The following HSPA12A variants were observed in gnomAD, a reference collection of about 807,000 sequenced individuals.
The protein encoded by HSPA12A is heat shock 70 kDa protein 12A.
HSPA12A carries 28 observed loss-of-function variants against 69.2 expected under a neutral mutation model. That is an observed-to-expected ratio of 0.40 (90% confidence interval 0.30 to 0.55). HSPA12A has a LOEUF of 0.55. Ranked by LOEUF, HSPA12A falls within the 20% of genes least tolerant of loss-of-function variation. The probability of loss-of-function intolerance (pLI) is 0.38; values close to 1 mark genes in which losing one functional copy is unlikely to be tolerated. For synonymous variants in HSPA12A, 345 were observed against 370.5 expected, an observed-to-expected ratio of 0.93 and a Z score of 0.79; for missense variants, 686 against 900.7, an observed-to-expected ratio of 0.76 and a Z score of 3.05.
intron 3 of HSPA12A, among the ~76,000 whole-genome samples, chr10:116,701,334 A>T (rs530341613): frequency 1.1e-4 from 16 of 152,372 alleles, no homozygotes; most frequent in Admixed American, 2.6e-4. Flanking sequence ...CTTGGTCAAT[A>T]ACAAGCTCTG....
Position 116,701,234 on chromosome 10 carries a change from T to A in HSPA12A, c.255-105A>T. On this transcript the variant is annotated intron_variant, in intron 3 of 11. Transcript: ENST00000369209. Reference sequence around the variant, plus strand: ...TATGCATGAGTGTCAGTAATGTGGGTGCCCAGAGGCACTCTGCTTCAGCTG... The same window carrying A: ...TATGCATGAGTGTCAGTAATGTGGGAGCCCAGAGGCACTCTGCTTCAGCTG... The A allele has an allele frequency of 2.8e-6, 3 of 1,064,552 alleles. No homozygotes were observed. In the South Asian group the frequency reaches 4.6e-5, roughly 16 times the overall value. The allele number at this position is 1,064,552 out of a possible 1,614,324, so 65.9% of individuals were successfully genotyped here. A position where few individuals can be genotyped will look rare whatever the true frequency, so the allele number is the denominator to read the frequency against.
chr10:116,849,663 C>T, exon 1 of HSPA12A: 2 of 1,550,164 alleles, frequency 1.3e-6, no homozygotes, highest in Non-Finnish European at 8.7e-7. Context: ...GAACGACGTT[C>T]CGCGCAGGCT....
At position 116,675,666 on chromosome 10, in the gene HSPA12A, T is replaced by C. The variant is rs1554877614; in HGVS notation, c.1391-248A>G. Among the ~76,000 whole-genome samples, 1 of 152,246 alleles carries C rather than the reference T, an allele frequency of 6.6e-6. No homozygotes were observed. Among genetic ancestry groups the C allele is most frequent in the African/African-American group, 2.4e-5 (1 of 41,468 alleles). On this transcript the variant is annotated intron_variant, in intron 11 of 11. Transcript: ENST00000369209. The surrounding 1 kb of genome is among the most constrained non-coding windows in gnomAD (Gnocchi z 5.2). ...GTAGAAATGCATTTTAACAGATACA[T>C]GGTGATAATTTTAAGTAGAATTTGG...
At position 116,726,027 on chromosome 10, in the gene HSPA12A, G is replaced by GCGCGCACACACACA. The variant is rs140160132; in HGVS notation, c.40+16402_40+16403insTGTGTGTGTGCGCG. On this transcript the variant is annotated intron_variant, in intron 1 of 11. Transcript: ENST00000369209. ...ACAAGGTTTAGACACACACACACACGCACACACACACACACACACACACAC... is the reference window on the plus strand; with the variant it reads ...ACAAGGTTTAGACACACACACACACGCGCGCACACACACACACACACACACACACACACACACAC... 7.9e-4 allele frequency among the ~76,000 whole-genome samples: 115 copies of GCGCGCACACACACA among 146,218 alleles called. 1 individual carries two copies. The highest frequency in any genetic ancestry group is 1.0e-3 in the Non-Finnish European group (69 of 67,038).
intron 2 of HSPA12A, among the ~76,000 whole-genome samples, chr10:116,786,636 A>ATTATTTAT (rs890228584): frequency 6.6e-6 from 1 of 151,756 alleles, no homozygotes; most frequent in Non-Finnish European, 1.5e-5. Context: ...CTCCTGGGGA[A>ATTATTTAT]TTATTTATTT....
At chr10:116,695,697 T>C (rs1554880753) in intron 5 of HSPA12A, among the ~76,000 whole-genome samples, 1 of 151,954 alleles carries the variant, frequency 6.6e-6, no homozygotes, top group Non-Finnish European at 1.5e-5. Flanking sequence ...GCGCCTGTAG[T>C]CCCAGCTACT....
At chr10:116,719,664 T>C (rs735411) in intron 1 of HSPA12A, among the ~76,000 whole-genome samples, 4,249 of 152,328 alleles carry the variant, frequency 0.028, 79 homozygotes, top group East Asian at 0.076. Context: ...CCAGGATTAA[T>C]GAGGATTAAA....
rs563782516 is a variant in HSPA12A, at chr10:116,775,190, T to C, written c.91+59745A>G. 6.9e-4 allele frequency among the ~76,000 whole-genome samples: 105 copies of C among 152,350 alleles called. 2 individuals carry two copies. The highest frequency in any genetic ancestry group is 2.4e-3 in the African/African-American group (99 of 41,586). On this transcript the variant is annotated intron_variant, in intron 2 of 12. Transcript: ENST00000635765. Reference sequence around the variant, plus strand: ...GTACTAAGAACGTGCGAGTTCCTTATATCAGTTATCCCACCACTCACAAAC... The same window carrying C: ...GTACTAAGAACGTGCGAGTTCCTTACATCAGTTATCCCACCACTCACAAAC...
At chr10:116,777,322 A>G (rs1844361146) in intron 2 of HSPA12A, among the ~76,000 whole-genome samples, 3 of 152,274 alleles carry the variant, frequency 2.0e-5, no homozygotes. Flanking sequence ...AATAAAAGAA[A>G]TGACTTAAAA....
chr10:116,764,795 CATATGAGTAGTAGAG>C (rs1589692121), intron 2 of HSPA12A, among the ~76,000 whole-genome samples: 2 of 152,238 alleles, frequency 1.3e-5, no homozygotes, highest in Admixed American at 6.5e-5. Flanking sequence ...TACTATCCAT[CATATGAGTAGTAGAG>C]ATACAATATA....
At chr10:116,740,363 C>A (rs1253565429) in intron 1 of HSPA12A, among the ~76,000 whole-genome samples, 1 of 152,060 alleles carries the variant, frequency 6.6e-6, no homozygotes, top group Non-Finnish European at 1.5e-5. Flanking sequence ...AGGGGCAAGC[C>A]AACTCTGCTC....
At chr10:116,681,348 T>G in intron 8 of HSPA12A, 92 bp from the exon 9 acceptor site, 2 of 982,590 alleles carry the variant, frequency 2.0e-6, no homozygotes, top group Non-Finnish European at 3.2e-6. Flanking sequence ...CCCAGCTAAG[T>G]GCCCTCAAAA....
intron 1 of HSPA12A, among the ~76,000 whole-genome samples, chr10:116,720,629 T>C (rs1440212826): frequency 1.3e-5 from 2 of 152,312 alleles, no homozygotes; most frequent in Non-Finnish European, 2.9e-5. Flanking sequence ...CCAGAATAAA[T>C]GCTAGTGAAA....
At chr10:116,705,532 T>C (rs1589645984) in intron 2 of HSPA12A, among the ~76,000 whole-genome samples, 1 of 152,342 alleles carries the variant, frequency 6.6e-6, no homozygotes, top group East Asian at 1.9e-4. Flanking sequence ...GCTTGCCCAC[T>C]CCTCTCTATA....
rs1293013021 is a variant in HSPA12A at position 116,701,060 on chromosome 10, C to T, written c.324G>A (p.Glu108=). Residue 108 remains glutamate, a synonymous_variant, in exon 4 of 12, where the codon GAG becomes GAA. Transcript: ENST00000369209. The part of the protein sequence containing the change: ...KTPTTILLTP[E]RKFHSFGYAA... The stretch of plus-strand genomic sequence containing the variant: ...CATACCCGAAGCTGTGGAACTTCCT[C>T]TCGGGAGTCAGCAAGATGGTGGTTG... 1.3e-5 allele frequency: 21 copies of T among 1,614,200 alleles called. No homozygotes were observed. The highest frequency in any genetic ancestry group is 1.7e-5 in the Non-Finnish European group (20 of 1,180,050).
chr10:116,702,103 T>C (rs1850092904), intron 3 of HSPA12A, among the ~76,000 whole-genome samples: 1 of 146,026 alleles, frequency 6.8e-6, no homozygotes, highest in African/African-American at 2.5e-5. Context: ...AGCAAGACCC[T>C]ATCTCTAAAA....
intron 1 of HSPA12A, among the ~76,000 whole-genome samples, chr10:116,726,012 G>GACACACACACACACAC (rs1277422010): frequency 4.3e-5 from 3 of 70,512 alleles, no homozygotes; most frequent in African/African-American, 1.5e-4. Flanking sequence ...ACAAGGTTTA[G>GACACACACACACACAC]ACACACACAC....
chr10:116,825,024 G>A (rs1327311422), intron 2 of HSPA12A, among the ~76,000 whole-genome samples: 1 of 147,086 alleles, frequency 6.8e-6, no homozygotes, highest in Non-Finnish European at 1.5e-5. Context: ...CCCATCTCTA[G>A]AAGAAATACA....
chr10:116,831,844 G>A (rs1243950944), intron 2 of HSPA12A: 1 of 152,134 alleles, frequency 6.6e-6, no homozygotes, highest in East Asian at 1.9e-4. Flanking sequence ...TCCTAACCAC[G>A]AGGAAAATCT....
Sources: gnomAD v4.1 joint callset for allele counts (sites outside exome capture counted in the v4.1 genomes callset) on GRCh38, gnomAD v4.1.1 for gene constraint, Gnocchi (gnomAD v3.1) non-coding constraint, MANE v1.5 for transcripts, NCBI Gene and HGNC (gene_info 2026-07-23, HGNC 2026-07-21) for gene names.